Variants in ZNF69 observed in about 807,000 individuals in gnomAD.
ZNF69 encodes zinc finger protein 69, also known as ZNF3.
Under a neutral mutation model 50.9 loss-of-function variants are expected in ZNF69, and 47 were observed. That is an observed-to-expected ratio of 0.92 (90% CI 0.73 to 1.18). The LOEUF is 1.18. Ranked by LOEUF, ZNF69 falls within the 50% of genes most tolerant of loss-of-function variation. The pLI, the probability that ZNF69 is intolerant of heterozygous loss-of-function variation, is 0.00. For synonymous variants in ZNF69, 216 were observed against 223.1 expected, an observed-to-expected ratio of 0.97 and a Z score of 0.29; for missense variants, 717 against 675.1, an observed-to-expected ratio of 1.06 and a Z score of -0.69.
rs1397620826 is a variant in ZNF69 at position 11,903,899 on chromosome 19, T to A, written c.191-6T>A. ...TCAGGACTATTTTTCTGTGTCTATA[T>A]TTTAGGAAAAAGTTGGAAAGACCAG... On this transcript the variant is annotated splice_polypyrimidine_tract_variant and splice_region_variant and intron_variant, in intron 2 of 3. Transcript: ENST00000429654. 1 of 1,613,342 alleles carries A rather than the reference T, an allele frequency of 6.2e-7. No individual in the cohort carries two copies. Among genetic ancestry groups the A allele is most frequent in the Admixed American group, 1.7e-5 (1 of 59,870 alleles).
chr19:11,920,015 C>T, the ZNF69 span, among the ~76,000 whole-genome samples: 1 of 152,096 alleles, frequency 6.6e-6, no homozygotes, highest in African/African-American at 2.4e-5. Flanking sequence ...TCCTCTTGGA[C>T]CCATTGTGAG....
chr19:11,956,406 T>C, the ZNF69 span: 2 of 392,750 alleles, frequency 5.1e-6, no homozygotes, highest in East Asian at 7.2e-5. Context: ...TGAGGGGTGA[T>C]AGGTAAGTGC....
chr19:11,897,675 A>G (rs2145222543), intron 1 of ZNF69, among the ~76,000 whole-genome samples: 1 of 151,660 alleles, frequency 6.6e-6, no homozygotes, highest in African/African-American at 2.4e-5. Flanking sequence ...GATCGAGACC[A>G]TCCTGGCTAA....
the ZNF69 span, among the ~76,000 whole-genome samples, chr19:11,954,520 G>A: frequency 6.6e-6 from 1 of 152,120 alleles, no homozygotes; most frequent in Non-Finnish European, 1.5e-5. Flanking sequence ...GCCCAGACAA[G>A]GTTTGTCTCC....
the ZNF69 span, chr19:11,977,128 G>T: frequency 1.7e-5 from 27 of 1,614,182 alleles, no homozygotes; most frequent in South Asian, 3.0e-4. Flanking sequence ...CTACAGGGAA[G>T]TGATGCTGGA....
chr19:11,955,282 G>T, the ZNF69 span, among the ~76,000 whole-genome samples: 4 of 151,922 alleles, frequency 2.6e-5, no homozygotes, highest in Admixed American at 1.3e-4. Context: ...GGATACAGGC[G>T]TGAGATACCG....
chr19:11,976,596 G>C, the ZNF69 span, among the ~76,000 whole-genome samples: 1 of 150,896 alleles, frequency 6.6e-6, no homozygotes, highest in East Asian at 1.9e-4. Context: ...GCCAGGTGTG[G>C]TGGCTCATGC....
the ZNF69 span, among the ~76,000 whole-genome samples, chr19:11,957,613 GAT>G: frequency 1.2e-4 from 19 of 152,270 alleles, no homozygotes; most frequent in Admixed American, 3.3e-4. Flanking sequence ...GGGAGGCTGA[GAT>G]GGGCAGATCA....
the ZNF69 span, chr19:11,950,047 C>T: frequency 1.9e-6 from 3 of 1,614,002 alleles, no homozygotes; most frequent in Non-Finnish European, 1.7e-6. Flanking sequence ...AGGAGAGAAG[C>T]CCTATGAATG....
At chr19:11,978,270 A>T in the ZNF69 span, 1 of 1,614,134 alleles carries the variant, frequency 6.2e-7, no homozygotes, top group South Asian at 1.1e-5. Context: ...AGAAGTTGGC[A>T]TAGGTAACTC....
the ZNF69 span, among the ~76,000 whole-genome samples, chr19:11,942,601 G>C: frequency 4.6e-5 from 7 of 152,162 alleles, no homozygotes; most frequent in Non-Finnish European, 7.3e-5. Flanking sequence ...CCTTTTGAAG[G>C]CTTACACAGG....
the ZNF69 span, among the ~76,000 whole-genome samples, chr19:11,933,486 G>C: frequency 2.0e-5 from 3 of 147,586 alleles, no homozygotes; most frequent in Non-Finnish European, 4.4e-5. Context: ...CGTGTCACAG[G>C]CCTCAAAATC....
At chr19:11,925,806 G>T in the ZNF69 span, among the ~76,000 whole-genome samples, 1 of 152,244 alleles carries the variant, frequency 6.6e-6, no homozygotes, top group Admixed American at 6.5e-5. Context: ...AGTTTATTCA[G>T]AGCCGAATAG....
chr19:11,918,415 C>T (rs1285429064), downstream of ZNF69, among the ~76,000 whole-genome samples: 10 of 152,126 alleles, frequency 6.6e-5, no homozygotes, highest in South Asian at 4.1e-4. Context: ...TATAATCTTT[C>T]ATCTTCTGTG....
chr19:11,965,065 G>T, the ZNF69 span: 1 of 1,043,064 alleles, frequency 9.6e-7, no homozygotes, highest in Non-Finnish European at 1.5e-6. Flanking sequence ...TCCTTGCGCA[G>T]CCGGTGGTTG....
At chr19:11,940,920 A>T in the ZNF69 span, among the ~76,000 whole-genome samples, 3 of 151,684 alleles carry the variant, frequency 2.0e-5, no homozygotes, top group African/African-American at 7.3e-5. Flanking sequence ...CGATTGGTGC[A>T]TTCACAAACC....
chr19:11,898,592 T>C (rs1254954672), intron 1 of ZNF69, among the ~76,000 whole-genome samples: 1 of 152,100 alleles, frequency 6.6e-6, no homozygotes, highest in Non-Finnish European at 1.5e-5. Context: ...GGTTTCACCA[T>C]ATTGACCAGG....
the ZNF69 span, among the ~76,000 whole-genome samples, chr19:11,923,776 C>A: frequency 1.8e-4 from 28 of 152,298 alleles, no homozygotes; most frequent in Non-Finnish European, 3.5e-4. Flanking sequence ...GTTTGTCTCG[C>A]GAAACTAATC....
chr19:11,977,334 A>G, the ZNF69 span: 2 of 1,610,066 alleles, frequency 1.2e-6, no homozygotes, highest in Non-Finnish European at 1.7e-6. Flanking sequence ...ACAGTTTTAT[A>G]TTGCTTCAGG....
Sources: gnomAD v4.1 joint callset for allele counts (sites outside exome capture counted in the v4.1 genomes callset) on GRCh38, gnomAD v4.1.1 for gene constraint, MANE v1.5 for transcripts, NCBI Gene and HGNC (gene_info 2026-07-23, HGNC 2026-07-21) for gene names.